The following FGF2 variants were observed in gnomAD, a reference collection of about 807,000 sequenced individuals.
FGF2 encodes the protein fibroblast growth factor 2, also known as basic fibroblast growth factor bFGF.
In FGF2, 13 loss-of-function variants were observed where a neutral mutation model predicts 15.9. The ratio of observed to expected loss-of-function variants is 0.82; its 90% CI spans 0.53 to 1.30. FGF2 has a LOEUF of 1.30. Ranked by LOEUF, FGF2 falls within the 50% of genes most tolerant of loss-of-function variation. The pLI is 0.00. For synonymous variants in FGF2, 90 were observed against 78.4 expected (o/e 1.15, Z -0.78); for missense variants, 163 against 196.9 (o/e 0.83, Z 1.03).
At chr4:122,876,770 AT>A (rs1389629450) in intron 2 of FGF2, among the ~76,000 whole-genome samples, 1 of 152,232 alleles carries the variant, frequency 6.6e-6, no homozygotes, top group African/African-American at 2.4e-5. Flanking sequence ...GAATAAATGT[AT>A]ACAATTTTGA....
intron 1 of FGF2, among the ~76,000 whole-genome samples, chr4:122,829,431 G>T (rs1200934869): frequency 2.0e-5 from 3 of 152,036 alleles, no homozygotes; most frequent in Non-Finnish European, 4.4e-5. Flanking sequence ...AAACATTTTT[G>T]ACCCCAAATG....
rs758646216 is a variant in FGF2 at position 122,897,668 on chromosome 4, A to G, written c.*5272A>G. 5.6e-6 allele frequency: 9 copies of G among 1,607,366 alleles called. No homozygotes were observed. Among genetic ancestry groups the G allele is most frequent in the Admixed American group, 1.7e-5 (1 of 59,988 alleles). On this transcript the variant is annotated 3_prime_UTR_variant, in exon 3 of 3. Transcript: ENST00000644866. ...TGACAGGCCTCCTGGAAACTTCCAC[A>G]TATTTTTCAACTGCAGTATAAAGTC...
chr4:122,856,309 GTGCTTTATCCCTTGTACC>G (rs1377550939), intron 1 of FGF2, among the ~76,000 whole-genome samples: 1 of 152,120 alleles, frequency 6.6e-6, no homozygotes, highest in Non-Finnish European at 1.5e-5. Context: ...GTTCCTTTCA[GTGCTTTATCCCTTGTACC>G]TGAATGGGAC....
At chr4:122,866,240 C>T (rs974384883) in intron 1 of FGF2, among the ~76,000 whole-genome samples, 33 of 151,992 alleles carry the variant, frequency 2.2e-4, no homozygotes, top group Non-Finnish European at 4.6e-4. Flanking sequence ...TGGTGGCGGG[C>T]GCCTGTAGTC....
At chr4:122,863,289 GC>G (rs1415940545) in intron 1 of FGF2, among the ~76,000 whole-genome samples, 1 of 151,994 alleles carries the variant, frequency 6.6e-6, no homozygotes, top group Non-Finnish European at 1.5e-5. Flanking sequence ...CTTTAGTTTG[GC>G]CTTTGAAAAT....
chr4:122,848,908 T>G (rs1051322480), intron 1 of FGF2, among the ~76,000 whole-genome samples: 2 of 152,182 alleles, frequency 1.3e-5, no homozygotes, highest in Non-Finnish European at 1.5e-5. Flanking sequence ...AATACATCAC[T>G]GGCACTGCTA....
intron 1 of FGF2, among the ~76,000 whole-genome samples, chr4:122,871,671 T>C (rs188010082): frequency 2.6e-3 from 400 of 151,382 alleles, no homozygotes; most frequent in Non-Finnish European, 2.6e-3. Flanking sequence ...TTCTCTAGCC[T>C]CCTTGAGTAA....
In FGF2 at chr4:122,894,387, T is replaced by TC. The variant is rs1409797092; in HGVS notation, c.*1992dup. ...AGGAGGATCGCTTGAGCCCAGGAGT[T>TC]CAAGACCAACCTGGTGAAACCCCGT... On this transcript the variant is annotated 3_prime_UTR_variant, in exon 3 of 3. Coordinates refer to ENST00000644866, the MANE Select transcript of FGF2 (RefSeq NM_001361665.2). 6.6e-6 allele frequency: 1 copy of TC among 152,262 alleles called. No individual in the cohort carries two copies. Among genetic ancestry groups the TC allele is most frequent in the African/African-American group, 2.4e-5 (1 of 41,374 alleles). 9.4% of individuals were successfully genotyped at this position (152,262 alleles called of 1,614,324 possible).
At chr4:122,834,044 A>C (rs1226700955) in intron 1 of FGF2, among the ~76,000 whole-genome samples, 1 of 152,230 alleles carries the variant, frequency 6.6e-6, no homozygotes, top group East Asian at 1.9e-4. Context: ...TTAGGCTCAC[A>C]GACACTTTGG....
Position 122,892,526 on chromosome 4 carries a change from A to G in FGF2, c.*130A>G. The G allele has an allele frequency of 1.3e-6, 2 of 1,514,780 alleles. No homozygotes were observed. The highest frequency in any genetic ancestry group is 1.8e-6 in the Non-Finnish European group (2 of 1,133,422). The allele number at this position is 1,514,780 out of a possible 1,614,324, so 93.8% of individuals were successfully genotyped here. On this transcript the variant is annotated 3_prime_UTR_variant, in exon 3 of 3. Transcript: ENST00000644866. ...TAATTGGTCAAACAATTTTTTATCCAGTAGTAAAATATGTAACCATTGTCC... is the reference window on the plus strand; with the variant it reads ...TAATTGGTCAAACAATTTTTTATCCGGTAGTAAAATATGTAACCATTGTCC...
intron 1 of FGF2, among the ~76,000 whole-genome samples, chr4:122,857,997 A>T (rs1296573390): frequency 1.3e-5 from 2 of 152,204 alleles, no homozygotes; most frequent in African/African-American, 4.8e-5. Flanking sequence ...ATTGGGTAGT[A>T]ATGAAGGAAT....
chr4:122,895,421 T>C lies in FGF2; in HGVS notation c.*3025T>C, dbSNP rs1328026390. ...TATATTTGTTATTTCTATTTTGTTA[T>C]ATTTAATAATAGAATTAGATTGAAA... On this transcript the variant is annotated 3_prime_UTR_variant, in exon 3 of 3. Coordinates refer to ENST00000644866, the MANE Select transcript of FGF2 (RefSeq NM_001361665.2). The C allele has an allele frequency of 3.3e-5, 5 of 152,360 alleles. 1 individual carries two copies. The South Asian group carries it at 8.3e-4, about 25-fold the overall frequency. The allele number at this position is 152,360 out of a possible 1,614,324, so 9.4% of individuals were successfully genotyped here.
chr4:122,866,843 C>T (rs962136427), intron 1 of FGF2, among the ~76,000 whole-genome samples: 1 of 152,284 alleles, frequency 6.6e-6, no homozygotes, highest in Admixed American at 6.5e-5. Flanking sequence ...TATACTCCCC[C>T]CAAAAGAAAA....
At chr4:122,847,657 T>C (rs145988974) in intron 1 of FGF2, among the ~76,000 whole-genome samples, 3,770 of 151,296 alleles carry the variant, frequency 0.025, 172 homozygotes, top group African/African-American at 0.086. Context: ...ATCTAATCTA[T>C]CTATCTACCT....
rs186297670 is a variant in FGF2 at position 122,874,268 on chromosome 4, A to G, written c.179-2053A>G. 2.5e-3 allele frequency among the ~76,000 whole-genome samples: 385 copies of G among 152,368 alleles called. 1 individual carries two copies. Among genetic ancestry groups the G allele is most frequent in the African/African-American group, 9.0e-3 (373 of 41,584 alleles). ...GTTTGGTTATGTTGATTAAAAACAA[A>G]GCTTATTTTCTGCATTTTCCAATAA... On this transcript the variant is annotated intron_variant, in intron 1 of 2. Coordinates refer to ENST00000644866, the MANE Select transcript of FGF2 (RefSeq NM_001361665.2).
At chr4:122,835,635 T>C (rs1169859267) in intron 1 of FGF2, among the ~76,000 whole-genome samples, 2 of 152,168 alleles carry the variant, frequency 1.3e-5, no homozygotes, top group South Asian at 4.1e-4. Context: ...CTTTGATGCC[T>C]TTCTCTACTT....
chr4:122,853,319 A>G (rs1004524593), intron 1 of FGF2, among the ~76,000 whole-genome samples: 7 of 152,206 alleles, frequency 4.6e-5, no homozygotes, highest in Admixed American at 2.6e-4. Flanking sequence ...AAAGTGAAAT[A>G]AAAATAAAAA....
At chr4:122,854,186 ATAAGGATACAATATTT>A (rs1270997221) in intron 1 of FGF2, among the ~76,000 whole-genome samples, 6 of 152,388 alleles carry the variant, frequency 3.9e-5, no homozygotes, top group South Asian at 2.1e-4. Flanking sequence ...TCTTTTTCAC[ATAAGGATACAATATTT>A]TAAAGTAGTA....
chr4:122,826,696 G>A, upstream of FGF2: 1 of 1,255,414 alleles, frequency 8.0e-7, no homozygotes, highest in Non-Finnish European at 1.0e-6. Context: ...CCGAACCGCC[G>A]AACTCAGAGG....
Sources: allele counts gnomAD v4.1 joint callset (sites outside exome capture counted in the v4.1 genomes callset), GRCh38; gene constraint gnomAD v4.1.1; transcripts MANE v1.5; gene names NCBI Gene and HGNC (gene_info 2026-07-23, HGNC 2026-07-21).